The following MYO1D variants were observed in gnomAD, a reference collection of about 807,000 sequenced individuals.
The protein encoded by MYO1D is unconventional myosin-Id.
MYO1D carries 83 observed loss-of-function variants against 122.0 expected under a neutral mutation model. The observed-to-expected ratio is 0.68, with a 90% confidence interval of 0.57 to 0.82. The LOEUF (loss-of-function observed/expected upper bound fraction) is 0.82. Ranked by LOEUF, MYO1D falls within the 40% of genes least tolerant of loss-of-function variation. MYO1D has a pLI of 0.00. For missense variants in MYO1D, 1,157 were observed against 1,269.5 expected (o/e 0.91, Z 1.35); for synonymous variants, 464 against 446.9 (o/e 1.04, Z -0.48).
chr17:32,544,409 G>C (rs145692132), intron 21 of MYO1D, among the ~76,000 whole-genome samples: 1 of 152,262 alleles, frequency 6.6e-6, no homozygotes, highest in African/African-American at 2.4e-5. Context: ...CCTAAAGCTT[G>C]CTAAGTTTTA....
In MYO1D at chr17:32,803,382, C is replaced by G. The variant is rs567851561; in HGVS notation, c.96-22598G>C. Among the ~76,000 whole-genome samples the G allele has an allele frequency of 6.6e-5, 10 of 152,086 alleles. No individual in the cohort carries two copies. In the East Asian group the frequency reaches 1.9e-3, roughly 29 times the overall value. On this transcript the variant is annotated intron_variant, in intron 1 of 21. Transcript: ENST00000318217. ...AGGATGGTCTCGATCTCCTGACCTC[C>G]TGATCTGCCCGCCTCGTCCTCCCAA...
At chr17:32,553,538 G>A (rs919799304) in intron 21 of MYO1D, among the ~76,000 whole-genome samples, 2 of 152,142 alleles carry the variant, frequency 1.3e-5, no homozygotes, top group Admixed American at 1.3e-4. Flanking sequence ...GAAAAAGGAC[G>A]TGGGTTTTGA....
chr17:32,708,009 TTGC>T (rs2089329683), intron 16 of MYO1D, among the ~76,000 whole-genome samples: 1 of 152,180 alleles, frequency 6.6e-6, no homozygotes, highest in Non-Finnish European at 1.5e-5. Flanking sequence ...CATTTTCCCT[TTGC>T]TGATTTTGCT....
At chr17:32,822,692 TC>T (rs1465260625) in intron 1 of MYO1D, among the ~76,000 whole-genome samples, 2 of 149,756 alleles carry the variant, frequency 1.3e-5, no homozygotes, top group African/African-American at 4.9e-5. Context: ...CCCTCGCGCG[TC>T]CCTCCTCCTC....
intron 1 of MYO1D, among the ~76,000 whole-genome samples, chr17:32,857,451 G>A (rs1033744651): frequency 2.6e-5 from 4 of 152,106 alleles, no homozygotes; most frequent in Non-Finnish European, 5.9e-5. Context: ...TGGGCGTGGT[G>A]GCGGGCACCT....
chr17:32,823,979 A>T (rs888613784), intron 1 of MYO1D, among the ~76,000 whole-genome samples: 1 of 147,130 alleles, frequency 6.8e-6, no homozygotes, highest in African/African-American at 2.5e-5. Context: ...AGGCATGAGA[A>T]TGGTGTGAAC....
intron 10 of MYO1D, chr17:32,756,184 T>C: frequency 4.4e-6 from 1 of 225,394 alleles, no homozygotes; most frequent in Non-Finnish European, 8.8e-6. Context: ...ATGGCTGCAG[T>C]TGCCACAAAG....
chr17:32,620,319 C>G (rs1474818758), intron 20 of MYO1D, among the ~76,000 whole-genome samples: 4 of 152,204 alleles, frequency 2.6e-5, no homozygotes, highest in African/African-American at 4.8e-5. Flanking sequence ...AGGCTTTTCA[C>G]TAGGCCTTTG....
intron 20 of MYO1D, among the ~76,000 whole-genome samples, chr17:32,612,883 C>T (rs997071153): frequency 2.6e-5 from 4 of 151,802 alleles, no homozygotes; most frequent in Admixed American, 6.6e-5. Context: ...ATCTTCCCAC[C>T]CCAGCCTCCC....
chr17:32,524,671 T>A (rs1910281230), intron 21 of MYO1D, among the ~76,000 whole-genome samples: 1 of 151,626 alleles, frequency 6.6e-6, no homozygotes, highest in Non-Finnish European at 1.5e-5. Flanking sequence ...CAAGCGATTC[T>A]CCTGCCTCAG....
rs892797253 is a variant in MYO1D at position 32,494,513 on chromosome 17, G to A, written c.*246C>T. Reference sequence around the variant, plus strand: ...CCTCTGGGGTGAGATTGGTCTGGACGTCAGCCCAGGGGTCTGGGCGGGGCA... The same window carrying A: ...CCTCTGGGGTGAGATTGGTCTGGACATCAGCCCAGGGGTCTGGGCGGGGCA... On this transcript the variant is annotated 3_prime_UTR_variant, in exon 22 of 22. Transcript: ENST00000318217. 9 of 526,142 alleles carry A rather than the reference G, an allele frequency of 1.7e-5. No homozygotes were observed. The highest frequency in any genetic ancestry group is 7.0e-5 in the Admixed American group (2 of 28,472). The allele number at this position is 526,142 out of a possible 1,614,324, so 32.6% of individuals were successfully genotyped here. A position where few individuals can be genotyped will look rare whatever the true frequency, so the allele number is the denominator to read the frequency against.
intron 1 of MYO1D, among the ~76,000 whole-genome samples, chr17:32,868,942 C>T (rs2151092223): frequency 6.6e-6 from 1 of 152,118 alleles, no homozygotes; most frequent in South Asian, 2.1e-4. Flanking sequence ...GGTTCGGTGG[C>T]TCATGCCTGT....
chr17:32,495,399 G>A (rs1468064717), intron 21 of MYO1D: 1 of 153,460 alleles, frequency 6.5e-6, no homozygotes, highest in African/African-American at 2.4e-5. Flanking sequence ...GTTTCCCCAA[G>A]CGAGAGGCTG....
intron 15 of MYO1D, among the ~76,000 whole-genome samples, chr17:32,716,322 T>C (rs1246353870): frequency 6.6e-6 from 1 of 152,240 alleles, no homozygotes; most frequent in Non-Finnish European, 1.5e-5. Context: ...TTTATTCTTT[T>C]CTCACATGAT....
At chr17:32,584,673 T>C (rs1597912068) in intron 21 of MYO1D, among the ~76,000 whole-genome samples, 1 of 152,052 alleles carries the variant, frequency 6.6e-6, no homozygotes, top group East Asian at 1.9e-4. Context: ...TTAAATTTTT[T>C]TGAAGAGACA....
intron 1 of MYO1D, among the ~76,000 whole-genome samples, chr17:32,866,529 C>A (rs2091126260): frequency 6.6e-6 from 1 of 152,196 alleles, no homozygotes; most frequent in Non-Finnish European, 1.5e-5. Flanking sequence ...ATGAAATTCT[C>A]TATTCCTTAT....
chr17:32,730,924 T>TC (rs1487960048), intron 14 of MYO1D, among the ~76,000 whole-genome samples: 3 of 150,548 alleles, frequency 2.0e-5, no homozygotes, highest in Non-Finnish European at 3.0e-5. Context: ...TTTTTTTTTT[T>TC]CAGAGACAGT....
chr17:32,534,310 G>C (rs534963788), intron 21 of MYO1D, among the ~76,000 whole-genome samples: 3 of 152,180 alleles, frequency 2.0e-5, no homozygotes, highest in African/African-American at 7.2e-5. Flanking sequence ...GGAACTACAG[G>C]CATGTGCCAC....
At chr17:32,759,864 A>T (rs1361188758) in intron 10 of MYO1D, 1 of 433,722 alleles carries the variant, frequency 2.3e-6, no homozygotes, top group Non-Finnish European at 4.1e-6. Context: ...TATAAACAAC[A>T]TTAACTGAAG....
Sources: gnomAD v4.1 joint callset for allele counts (sites outside exome capture counted in the v4.1 genomes callset) on GRCh38, gnomAD v4.1.1 for gene constraint, MANE v1.5 for transcripts, NCBI Gene and HGNC (gene_info 2026-07-23, HGNC 2026-07-21) for gene names.